Variants in NRG1 observed in about 807,000 individuals in gnomAD.
NRG1 encodes the protein neuregulin 1.
A neutral mutation model predicts 63.8 loss-of-function variants in NRG1; 18 were observed. The observed-to-expected ratio is 0.28, with a 90% confidence interval of 0.19 to 0.42. NRG1 has a LOEUF of 0.42. Ranked by LOEUF, NRG1 falls within the 10% of genes least tolerant of loss-of-function variation. The pLI, the probability that NRG1 is intolerant of heterozygous loss-of-function variation, is 1.00. For synonymous variants in NRG1, 302 were observed against 301.3 expected (o/e 1.00, Z -0.02); for missense variants, 762 against 814.7 (o/e 0.94, Z 0.79).
At chr8:31,954,892 A>G (rs1369880827) in intron 1 of NRG1, among the ~76,000 whole-genome samples, 1 of 152,142 alleles carries the variant, frequency 6.6e-6, no homozygotes, top group Non-Finnish European at 1.5e-5. Context: ...TTTGACCTCC[A>G]ATACTTTAGC....
At chr8:32,680,720 G>A (rs1307997071) in intron 5 of NRG1, among the ~76,000 whole-genome samples, 1 of 151,980 alleles carries the variant, frequency 6.6e-6, no homozygotes, top group Non-Finnish European at 1.5e-5. Context: ...AATGTAACCT[G>A]TGCCGAAGTT....
intron 1 of NRG1, among the ~76,000 whole-genome samples, chr8:32,431,943 G>A (rs1471482494): frequency 6.6e-6 from 1 of 152,124 alleles, no homozygotes; most frequent in African/African-American, 2.4e-5. Flanking sequence ...ATGTCACAGG[G>A]AAAAGGTGTT....
rs115965534 is a variant in NRG1 at position 32,334,696 on chromosome 8, A to C, written c.38-261132A>C. ...CAAATGGGAAGGAAGTAGAATAGCT[A>C]TCTGGTTGGAATTCAGAAAGTATAT... is the stretch of plus-strand genomic sequence containing the variant. On this transcript the variant is annotated intron_variant, in intron 1 of 10. Transcript: ENST00000519301. 8.1e-3 allele frequency among the ~76,000 whole-genome samples: 1,241 copies of C among 152,326 alleles called. 19 individuals carry two copies. The highest frequency in any genetic ancestry group is 0.027 in the African/African-American group (1,133 of 41,564).
intron 5 of NRG1, among the ~76,000 whole-genome samples, chr8:32,627,265 T>C (rs1434182114): frequency 6.6e-6 from 1 of 152,142 alleles, no homozygotes; most frequent in African/African-American, 2.4e-5. Flanking sequence ...TAATTTACAC[T>C]AAATAGCATT....
At chr8:32,639,270 G>A (rs1048386878) in intron 5 of NRG1, among the ~76,000 whole-genome samples, 1 of 152,144 alleles carries the variant, frequency 6.6e-6, no homozygotes, top group South Asian at 2.1e-4. Context: ...GCCAGGTGTG[G>A]TGGTGCATGC....
intron 1 of NRG1, among the ~76,000 whole-genome samples, chr8:31,681,096 A>C (rs1424724100): frequency 1.3e-5 from 2 of 152,098 alleles, no homozygotes; most frequent in Non-Finnish European, 2.9e-5. Flanking sequence ...TAAATGCTAC[A>C]TGACAATTGG....
intron 1 of NRG1, among the ~76,000 whole-genome samples, chr8:32,283,739 A>G (rs1029301466): frequency 3.3e-5 from 5 of 152,156 alleles, no homozygotes; most frequent in Admixed American, 1.3e-4. Context: ...TTTTTCTATT[A>G]GAATTTCTCC....
intron 1 of NRG1, among the ~76,000 whole-genome samples, chr8:32,438,819 A>C (rs116321789): frequency 0.013 from 1,959 of 152,170 alleles, 38 homozygotes; most frequent in African/African-American, 0.045. Flanking sequence ...GCTTATTTGC[A>C]TCTGTATATC....
chr8:32,405,975 T>G (rs748887705), intron 1 of NRG1, among the ~76,000 whole-genome samples: 2 of 152,050 alleles, frequency 1.3e-5, no homozygotes, highest in African/African-American at 2.4e-5. Flanking sequence ...GCATAGAAAA[T>G]AAAATATTTT....
intron 1 of NRG1, among the ~76,000 whole-genome samples, chr8:32,345,572 G>A (rs763697159): frequency 4.6e-5 from 7 of 152,168 alleles, no homozygotes; most frequent in Admixed American, 6.6e-5. Context: ...TCTCAAGTAA[G>A]TACAGCAACC....
At chr8:32,570,914 C>A (rs1262617461) in intron 1 of NRG1, among the ~76,000 whole-genome samples, 1 of 151,884 alleles carries the variant, frequency 6.6e-6, no homozygotes, top group Non-Finnish European at 1.5e-5. Flanking sequence ...TTTGTCATGC[C>A]CAGAAAGTTA....
At chr8:32,113,571 G>C (rs1832318801) in intron 1 of NRG1, among the ~76,000 whole-genome samples, 1 of 152,122 alleles carries the variant, frequency 6.6e-6, no homozygotes, top group African/African-American at 2.4e-5. Context: ...GCTCTTCCAA[G>C]CCTCTTTAAC....
chr8:32,070,357 G>A (rs1402830757), intron 1 of NRG1, among the ~76,000 whole-genome samples: 1 of 152,104 alleles, frequency 6.6e-6, no homozygotes, highest in Non-Finnish European at 1.5e-5. Context: ...TTATAACCTT[G>A]CTCTGTAAGA....
chr8:32,018,735 A>G (rs1815971355), intron 1 of NRG1, among the ~76,000 whole-genome samples: 1 of 152,188 alleles, frequency 6.6e-6, no homozygotes, highest in Non-Finnish European at 1.5e-5. Context: ...GCATTCTTGT[A>G]TATGTCTTTT....
chr8:32,337,842 C>A (rs947069971), intron 1 of NRG1, among the ~76,000 whole-genome samples: 5 of 151,950 alleles, frequency 3.3e-5, no homozygotes, highest in African/African-American at 1.2e-4. Context: ...TCACTCACAC[C>A]ATTCATCATC....
At chr8:31,660,835 T>C (rs1030623066) in intron 1 of NRG1, among the ~76,000 whole-genome samples, 4 of 152,180 alleles carry the variant, frequency 2.6e-5, no homozygotes, top group Non-Finnish European at 5.9e-5. Flanking sequence ...CTGTTGGGAG[T>C]CTATAGTGAT....
At chr8:32,354,854 T>C (rs1806154689) in intron 1 of NRG1, among the ~76,000 whole-genome samples, 1 of 148,310 alleles carries the variant, frequency 6.7e-6, no homozygotes, top group Admixed American at 6.7e-5. Flanking sequence ...GATTCAAAAG[T>C]CTAGAACACC....
At chr8:31,752,472 A>G (rs779366599) in intron 1 of NRG1, among the ~76,000 whole-genome samples, 1 of 152,102 alleles carries the variant, frequency 6.6e-6, no homozygotes, top group Non-Finnish European at 1.5e-5. Context: ...GGGGAGACCA[A>G]TTAGGAGACT....
intron 1 of NRG1, among the ~76,000 whole-genome samples, chr8:32,194,896 C>A (rs1842822102): frequency 6.6e-6 from 1 of 152,052 alleles, no homozygotes; most frequent in Admixed American, 6.5e-5. Context: ...TTGTAACATA[C>A]ATTTTTATGA....
Sources: allele counts gnomAD v4.1 joint callset (sites outside exome capture counted in the v4.1 genomes callset), GRCh38; gene constraint gnomAD v4.1.1; transcripts MANE v1.5; gene names NCBI Gene and HGNC (gene_info 2026-07-23, HGNC 2026-07-21).